Variants in CHODL observed in about 807,000 individuals in gnomAD.
CHODL encodes the protein transmembrane protein MT75.
CHODL carries 29 observed loss-of-function variants against 34.5 expected under a neutral mutation model. That is an observed-to-expected ratio of 0.84 (90% confidence interval 0.63 to 1.15). CHODL has a LOEUF of 1.15. Among genes scored for constraint, CHODL ranks in the 50% most tolerant of loss-of-function variants. CHODL has a pLI of 0.00. For missense variants in CHODL, 332 were observed against 332.5 expected, an observed-to-expected ratio of 1.00 and a Z score of 0.01; for synonymous variants, 125 against 116.1, an observed-to-expected ratio of 1.08 and a Z score of -0.49.
intron 2 of CHODL, among the ~76,000 whole-genome samples, chr21:18,210,590 C>CT (rs550400421): frequency 3.9e-4 from 59 of 152,276 alleles, no homozygotes; most frequent in Middle Eastern, 3.4e-3. Context: ...GTTAAAAACT[C>CT]TGACTCCTCT....
At chr21:17,989,220 G>C (rs2063778398) in intron 1 of CHODL, among the ~76,000 whole-genome samples, 1 of 152,154 alleles carries the variant, frequency 6.6e-6, no homozygotes, top group Non-Finnish European at 1.5e-5. Flanking sequence ...GCAGAATACT[G>C]TTTGGGGGAA....
chr21:18,245,863 T>C, intron 1 of CHODL: 1 of 1,514,676 alleles, frequency 6.6e-7, no homozygotes, highest in East Asian at 2.5e-5. Context: ...TGCGTGTAGA[T>C]GCCTTTCCTT....
chr21:18,009,135 C>T (rs1466225970), intron 1 of CHODL, among the ~76,000 whole-genome samples: 1 of 152,114 alleles, frequency 6.6e-6, no homozygotes, highest in East Asian at 1.9e-4. Flanking sequence ...ACAATTGAGT[C>T]CAAACTGTAC....
chr21:18,179,149 G>A (rs986917196), intron 2 of CHODL, among the ~76,000 whole-genome samples: 18 of 152,004 alleles, frequency 1.2e-4, no homozygotes, highest in African/African-American at 3.4e-4. Flanking sequence ...GTTGAAAACC[G>A]CCATTTGTGG....
rs952481511 is a variant in CHODL, at chr21:18,174,160, T to A, written c.-44-82349T>A. Among the ~76,000 whole-genome samples, 26 of 114,908 alleles carry A rather than the reference T, an allele frequency of 2.3e-4. 1 individual carries two copies. Among genetic ancestry groups the A allele is most frequent in the Non-Finnish European group, 4.4e-4 (22 of 49,718 alleles). The allele number at this position is 114,908 out of a possible 152,430, so 75.4% of individuals were successfully genotyped here. A position where few individuals can be genotyped will look rare whatever the true frequency, so the allele number is the denominator to read the frequency against. On this transcript the variant is annotated intron_variant, in intron 2 of 6. Coordinates refer to the CHODL transcript ENST00000400127. ...ATATATATATATATATATATATATA[T>A]AAAATCAAGTCTCTCAGAGTAGTGG... is the stretch of plus-strand genomic sequence containing the variant.
intron 2 of CHODL, among the ~76,000 whole-genome samples, chr21:18,139,566 T>TGAACTCCTAGCTGACCAC (rs1480071931): frequency 1.2e-4 from 18 of 152,218 alleles, no homozygotes; most frequent in African/African-American, 4.1e-4. Flanking sequence ...TAGCTGACCA[T>TGAACTCCTAGCTGACCAC]GACCTCCTAG....
At chr21:18,118,752 T>A (rs2065443643) in intron 2 of CHODL, among the ~76,000 whole-genome samples, 1 of 152,182 alleles carries the variant, frequency 6.6e-6, no homozygotes. Flanking sequence ...GACACTTCAC[T>A]CTCCTTAATT....
intron 1 of CHODL, among the ~76,000 whole-genome samples, chr21:17,985,576 C>G (rs186177456): frequency 6.6e-5 from 10 of 152,060 alleles, no homozygotes; most frequent in Non-Finnish European, 5.9e-5. Context: ...ATAACTTGTT[C>G]TGGTTTGTGT....
chr21:17,918,653 T>C lies in CHODL; in HGVS notation c.-145+1253T>C, dbSNP rs186112095. ...GGGACACAGACAAAGCATATCATTC[T>C]ACCCCAGCCCCTCCCAAATCTCATG... On this transcript the variant is annotated intron_variant, in intron 1 of 6. Coordinates refer to the CHODL transcript ENST00000400127. Among the ~76,000 whole-genome samples the C allele has an allele frequency of 8.0e-3, 1,215 of 152,306 alleles. 18 individuals are homozygous for C. The highest frequency in any genetic ancestry group is 0.027 in the African/African-American group (1,119 of 41,544).
chr21:18,019,437 T>C (rs1016574544), intron 1 of CHODL, among the ~76,000 whole-genome samples: 133 of 90,250 alleles, frequency 1.5e-3, no homozygotes, highest in South Asian at 0.013. Flanking sequence ...TTAAAAATAA[T>C]TTATTTGTAC....
At chr21:18,127,906 T>C (rs796556199) in intron 2 of CHODL, among the ~76,000 whole-genome samples, 8 of 151,772 alleles carry the variant, frequency 5.3e-5, no homozygotes, top group African/African-American at 1.9e-4. Flanking sequence ...CTGATGGGAG[T>C]TCCTGAAGGA....
chr21:18,029,390 T>C (rs2146437391), intron 2 of CHODL, among the ~76,000 whole-genome samples: 1 of 152,256 alleles, frequency 6.6e-6, no homozygotes, highest in Non-Finnish European at 1.5e-5. Flanking sequence ...GATTAAACAA[T>C]CCTTGTGTAT....
chr21:18,074,003 A>G (rs1463623598), intron 2 of CHODL, among the ~76,000 whole-genome samples: 2 of 152,070 alleles, frequency 1.3e-5, no homozygotes, highest in Admixed American at 6.6e-5. Flanking sequence ...TCACTTAGAC[A>G]TGGAATTAAA....
At chr21:17,921,837 C>T (rs887660547) in intron 1 of CHODL, among the ~76,000 whole-genome samples, 3 of 152,174 alleles carry the variant, frequency 2.0e-5, no homozygotes, top group Non-Finnish European at 2.9e-5. Context: ...TAGGTTGATG[C>T]AGCATGTGGA....
At chr21:18,090,726 G>GAAAAAAAA (rs5842674) in intron 2 of CHODL, among the ~76,000 whole-genome samples, 2 of 125,188 alleles carry the variant, frequency 1.6e-5, no homozygotes, top group African/African-American at 6.2e-5. Context: ...ATAATTTCCA[G>GAAAAAAAA]AAAAAAAAAA....
chr21:18,162,208 A>C (rs775104042), intron 2 of CHODL, among the ~76,000 whole-genome samples: 3 of 152,226 alleles, frequency 2.0e-5, no homozygotes, highest in Non-Finnish European at 4.4e-5. Flanking sequence ...GGTGGCATAA[A>C]CAACAGAAAT....
At chr21:17,946,494 C>T (rs1301234494) in intron 1 of CHODL, among the ~76,000 whole-genome samples, 2 of 152,108 alleles carry the variant, frequency 1.3e-5, no homozygotes, top group Non-Finnish European at 2.9e-5. Flanking sequence ...AGTTTTCAAG[C>T]TGAAAAGAGG....
chr21:18,146,526 C>T (rs566016277), intron 2 of CHODL, among the ~76,000 whole-genome samples: 1 of 152,220 alleles, frequency 6.6e-6, no homozygotes, highest in East Asian at 1.9e-4. Flanking sequence ...CTCAGCACTT[C>T]TCTCTCCTGC....
intron 2 of CHODL, among the ~76,000 whole-genome samples, chr21:18,057,866 A>G (rs1229131994): frequency 1.3e-5 from 2 of 152,074 alleles, no homozygotes; most frequent in East Asian, 3.9e-4. Context: ...AATTGTACAT[A>G]TTCATGGAGT....
Sources: gnomAD v4.1 joint callset for allele counts (sites outside exome capture counted in the v4.1 genomes callset) on GRCh38, gnomAD v4.1.1 for gene constraint, MANE v1.5 for transcripts, NCBI Gene and HGNC (gene_info 2026-07-23, HGNC 2026-07-21) for gene names.